Variants in GMFB observed in about 807,000 individuals in gnomAD.
GMFB encodes the protein GMF-beta.
Under a neutral mutation model 25.6 loss-of-function variants are expected in GMFB, and 13 were observed. The observed-to-expected ratio is 0.51, with a 90% CI of 0.33 to 0.81. The LOEUF (loss-of-function observed/expected upper bound fraction) is 0.81. Among genes scored for constraint, GMFB ranks in the 30% least tolerant of loss-of-function variants. The pLI, the probability that GMFB is intolerant of heterozygous loss-of-function variation, is 0.02. For synonymous variants in GMFB, 57 were observed against 56.9 expected, an observed-to-expected ratio of 1.00 and a Z score of 0.00; for missense variants, 146 against 175.4, an observed-to-expected ratio of 0.83 and a Z score of 0.95.
At chr14:54,481,533 T>A (rs1187016381) in intron 3 of GMFB, 75 bp from the exon 4 acceptor site, 1 of 883,582 alleles carries the variant, frequency 1.1e-6, no homozygotes, top group Non-Finnish European at 1.9e-6. Flanking sequence ...CAAGCACCCA[T>A]TCTACTAACA....
In GMFB at chr14:54,482,196, A is replaced by G; in HGVS notation, c.107T>C (p.Ile36Thr). 6.2e-7 allele frequency: 1 copy of G among 1,602,716 alleles called. No homozygotes were observed. Among genetic ancestry groups the G allele is most frequent in the South Asian group, 1.1e-5 (1 of 90,780 alleles). Residue 36 changes from isoleucine (I) to threonine (T), a missense_variant, in exon 3 of 7, where the codon ATT (isoleucine) becomes ACT (threonine). Physicochemically the swap from Ile to Thr is moderately conservative, Grantham distance 89. Coordinates refer to ENST00000358056, the MANE Select transcript of GMFB (RefSeq NM_004124.3). Reference protein sequence around the residue: ...ETNNAAIIMKIDKDKRLVVLD... With the variant: ...ETNNAAIIMKTDKDKRLVVLD... ...TACCACCAGGCGTTTATCCTTGTCA[A>G]TCTTCACTAAAATAAAAATCAAGTA...
intron 1 of GMFB, among the ~76,000 whole-genome samples, chr14:54,487,345 C>CA (rs2031800376): frequency 6.6e-6 from 1 of 152,142 alleles, no homozygotes; most frequent in Non-Finnish European, 1.5e-5. Context: ...TCCTGGCTAA[C>CA]ACGGTGAAAC....
chr14:54,486,880 G>A (rs2140036771), intron 1 of GMFB, among the ~76,000 whole-genome samples: 1 of 131,346 alleles, frequency 7.6e-6, no homozygotes. Context: ...TGACAGATTG[G>A]ATATTGGGGG....
At chr14:54,484,665 C>T (rs1159738961) in intron 1 of GMFB, among the ~76,000 whole-genome samples, 4 of 152,110 alleles carry the variant, frequency 2.6e-5, no homozygotes, top group African/African-American at 7.2e-5. Context: ...GGAGAACATA[C>T]CTCCAAGCTC....
chr14:54,474,840 T>C lies in GMFB; in HGVS notation c.*3248A>G, dbSNP rs1218320390. The C allele has an allele frequency of 2.6e-5, 4 of 152,628 alleles. No individual in the cohort carries two copies. Among genetic ancestry groups the C allele is most frequent in the Non-Finnish European group, 5.9e-5 (4 of 68,012 alleles). 9.5% of individuals were successfully genotyped at this position (152,628 alleles called of 1,614,324 possible). On this transcript the variant is annotated 3_prime_UTR_variant, in exon 7 of 7. Coordinates refer to ENST00000358056, the MANE Select transcript of GMFB (RefSeq NM_004124.3). Reference sequence around the variant, plus strand: ...AGTTTACTGTATATGAGCACTGATTTGAAATGTCAAATGGCATAATAAAAA... The same window carrying C: ...AGTTTACTGTATATGAGCACTGATTCGAAATGTCAAATGGCATAATAAAAA...
intron 1 of GMFB, chr14:54,488,660 A>AC (rs1480686607): frequency 1.9e-5 from 8 of 426,446 alleles, no homozygotes; most frequent in Non-Finnish European, 4.2e-6. Context: ...GGCCTCCCCA[A>AC]CCCCCCTGCT....
At position 54,477,092 on chromosome 14, in the gene GMFB, T is replaced by C. The variant is rs1436431914; in HGVS notation, c.*996A>G. On this transcript the variant is annotated 3_prime_UTR_variant, in exon 7 of 7. Coordinates refer to ENST00000358056, the MANE Select transcript of GMFB (RefSeq NM_004124.3). ...CTAACCACAAGTATACCCAAAATTATAACTCTCGACTGCCATATATTCACC... is the reference window on the plus strand; with the variant it reads ...CTAACCACAAGTATACCCAAAATTACAACTCTCGACTGCCATATATTCACC... 1 of 152,318 alleles carries C rather than the reference T, an allele frequency of 6.6e-6. No homozygotes were observed. Among genetic ancestry groups the C allele is most frequent in the East Asian group, 1.9e-4 (1 of 5,204 alleles). The allele number at this position is 152,318 out of a possible 1,614,324, so 9.4% of individuals were successfully genotyped here.
chr14:54,478,222 A>T, intron 6 of GMFB, 63 bp from the exon 7 acceptor site: 1 of 577,138 alleles, frequency 1.7e-6, no homozygotes, highest in Admixed American at 3.8e-5. Context: ...CAAATATTTG[A>T]ATTTTTTAAA....
At chr14:54,487,984 G>T (rs2031811217) in intron 1 of GMFB, among the ~76,000 whole-genome samples, 1 of 152,152 alleles carries the variant, frequency 6.6e-6, no homozygotes, top group South Asian at 2.1e-4. Context: ...AAGAATGAAG[G>T]AAGAGAATGC....
At position 54,481,465 on chromosome 14, in the gene GMFB, C is replaced by A. The variant is rs2031710319; in HGVS notation, c.151-7G>T. 1 of 1,604,192 alleles carries A rather than the reference C, an allele frequency of 6.2e-7. No homozygotes were observed. The highest frequency in any genetic ancestry group is 8.5e-7 in the Non-Finnish European group (1 of 1,171,554). ...GTTCATCTGGTGAAATGCCCTGGCA[C>A]CACAGAGAAAAGCAACTTTTAAACA... On this transcript the variant is annotated splice_region_variant and splice_polypyrimidine_tract_variant and intron_variant, in intron 3 of 6. Coordinates refer to ENST00000358056, the MANE Select transcript of GMFB (RefSeq NM_004124.3).
At chr14:54,487,879 G>A (rs1198636002) in intron 1 of GMFB, among the ~76,000 whole-genome samples, 2 of 152,154 alleles carry the variant, frequency 1.3e-5, no homozygotes, top group Non-Finnish European at 2.9e-5. Context: ...GGACTCCTTC[G>A]AGCATTGTCC....
chr14:54,487,526 G>A (rs1053546976), intron 1 of GMFB, among the ~76,000 whole-genome samples: 3 of 151,630 alleles, frequency 2.0e-5, no homozygotes, highest in African/African-American at 7.3e-5. Flanking sequence ...GCGACAGAGC[G>A]AGACTCCATC....
intron 5 of GMFB, 56 bp downstream of exon 5, chr14:54,480,818 A>T (rs1437206209): frequency 1.2e-6 from 1 of 858,222 alleles, no homozygotes; most frequent in African/African-American, 1.7e-5. Flanking sequence ...TGTCTAGTAT[A>T]AAATGGCTTA....
At position 54,488,837 on chromosome 14, in the gene GMFB, C is replaced by CCCG. The variant is rs904746639; in HGVS notation, c.3+85_3+87dup. ...GGCCGCCGAGCCCTCCTGGGCGCTGCCCGCCGCCGCCGGCTCCGGAAACCG... is the reference window on the plus strand; with the variant it reads ...GGCCGCCGAGCCCTCCTGGGCGCTGCCCGCCGCCGCCGCCGGCTCCGGAAACCG... On this transcript the variant is annotated intron_variant, in intron 1 of 6. Transcript: ENST00000358056. 4.3e-6 allele frequency: 5 copies of CCCG among 1,161,054 alleles called. No homozygotes were observed. In the African/African-American group the frequency reaches 8.0e-5, roughly 19 times the overall value. 71.9% of individuals were successfully genotyped at this position (1,161,054 alleles called of 1,614,324 possible). A position where few individuals can be genotyped will look rare whatever the true frequency, so the allele number is the denominator to read the frequency against.
In GMFB at chr14:54,476,406, T is replaced by C. The variant is rs2031641125; in HGVS notation, c.*1682A>G. Reference sequence around the variant, plus strand: ...ACACTCTCCACTCACTTGGATTACATGTGCATTCCTACAGAATTATATGCA... The same window carrying C: ...ACACTCTCCACTCACTTGGATTACACGTGCATTCCTACAGAATTATATGCA... On this transcript the variant is annotated 3_prime_UTR_variant, in exon 7 of 7. Coordinates refer to ENST00000358056, the MANE Select transcript of GMFB (RefSeq NM_004124.3). 6.6e-6 allele frequency: 1 copy of C among 152,080 alleles called. No homozygotes were observed. The highest frequency in any genetic ancestry group is 2.1e-4 in the South Asian group (1 of 4,838). The allele number at this position is 152,080 out of a possible 1,614,324, so 9.4% of individuals were successfully genotyped here.
intron 1 of GMFB, among the ~76,000 whole-genome samples, chr14:54,484,224 A>G (rs117140904): frequency 0.011 from 1,646 of 152,268 alleles, 21 homozygotes; most frequent in Admixed American, 0.017. Flanking sequence ...ACAGGGGAAA[A>G]AAAATATAAG....
At chr14:54,478,934 T>A (rs1365038699) in intron 6 of GMFB, 1 of 152,162 alleles carries the variant, frequency 6.6e-6, no homozygotes, top group African/African-American at 2.4e-5. Flanking sequence ...CTTGAGGCCG[T>A]TAACAGCTCC....
intron 6 of GMFB, chr14:54,479,407 G>C (rs745552064): frequency 5.6e-5 from 9 of 159,458 alleles, no homozygotes; most frequent in Admixed American, 1.3e-4. Flanking sequence ...GCATAATACT[G>C]AATTCCAGCA....
chr14:54,478,128 G>A lies in GMFB; in HGVS notation c.389C>T (p.Thr130Ile). Residue 130 changes from threonine (T) to isoleucine (I), a missense_variant, in exon 7 of 7, where the codon ACT (threonine) becomes ATT (isoleucine). Physicochemically the swap from Thr to Ile is moderately conservative, Grantham distance 89. Coordinates refer to ENST00000358056, the MANE Select transcript of GMFB (RefSeq NM_004124.3). ...AAGTTTCTCACGTAACCATTCTTCA[G>A]TTAGGTCTTCGGTATTTCTTATTTC... ...VFEIRNTEDL[T>I]EEWLREKLGF... 7.0e-7 allele frequency: 1 copy of A among 1,418,760 alleles called. No individual in the cohort carries two copies. The highest frequency in any genetic ancestry group is 9.5e-7 in the Non-Finnish European group (1 of 1,050,410). The allele number at this position is 1,418,760 out of a possible 1,614,324, so 87.9% of individuals were successfully genotyped here.
Sources: allele counts gnomAD v4.1 joint callset (sites outside exome capture counted in the v4.1 genomes callset), GRCh38; gene constraint gnomAD v4.1.1; transcripts MANE v1.5; gene names NCBI Gene and HGNC (gene_info 2026-07-23, HGNC 2026-07-21).